The following CAST variants were observed in gnomAD, a reference collection of about 807,000 sequenced individuals.
The protein encoded by CAST is MIR583 host.
A neutral mutation model predicts 119.6 loss-of-function variants in CAST; 76 were observed. That is an observed-to-expected ratio of 0.64 (90% confidence interval 0.53 to 0.77). The LOEUF (loss-of-function observed/expected upper bound fraction) is 0.77. Among genes scored for constraint, CAST ranks in the 30% least tolerant of loss-of-function variants. The pLI is 0.00. For missense variants in CAST, 953 were observed against 946.5 expected, an observed-to-expected ratio of 1.01 and a Z score of -0.09; for synonymous variants, 319 against 331.6, an observed-to-expected ratio of 0.96 and a Z score of 0.41.
chr5:96,575,577 A>C (rs1014931343), intron 1 of CAST, among the ~76,000 whole-genome samples: 1 of 151,848 alleles, frequency 6.6e-6, no homozygotes, highest in African/African-American at 2.4e-5. Flanking sequence ...ATTCTCCTCT[A>C]TACTAACTGG....
the CAST span, among the ~76,000 whole-genome samples, chr5:96,460,558 C>A: frequency 2.2e-5 from 3 of 135,238 alleles, no homozygotes; most frequent in Admixed American, 7.4e-5. Flanking sequence ...TAAATAAATT[C>A]TAAGTACAAA....
Position 96,765,213 on chromosome 5 carries a change from CT to C in CAST, c.1933-4del. 2 of 1,542,482 alleles carry C rather than the reference CT, an allele frequency of 1.3e-6. No homozygotes were observed. Among genetic ancestry groups the C allele is most frequent in the Non-Finnish European group, 1.8e-6 (2 of 1,121,932 alleles). Reference sequence around the variant, plus strand: ...TGAGTGACTAATTCAGCATTATTTACTTTTCAGCAGAGTGACAAAGACCTCG... The same window carrying C: ...TGAGTGACTAATTCAGCATTATTTACTTTCAGCAGAGTGACAAAGACCTCG... On this transcript the variant is annotated splice_polypyrimidine_tract_variant and splice_region_variant and intron_variant, in intron 25 of 31. Transcript: ENST00000675179.
chr5:96,310,853 T>C, the CAST span, among the ~76,000 whole-genome samples: 1 of 150,564 alleles, frequency 6.6e-6, no homozygotes, highest in Non-Finnish European at 1.5e-5. Context: ...GTAAATTATG[T>C]CTTCTCAAAA....
chr5:96,535,023 T>C (rs77095835), intron 1 of CAST, among the ~76,000 whole-genome samples: 252 of 152,302 alleles, frequency 1.7e-3, no homozygotes, highest in African/African-American at 5.6e-3. Flanking sequence ...AAAGCCACAA[T>C]AATGTAAACA....
the CAST span, among the ~76,000 whole-genome samples, chr5:96,443,018 T>A: frequency 1.3e-5 from 2 of 152,206 alleles, no homozygotes; most frequent in Non-Finnish European, 2.9e-5. Context: ...TATTTTCCAC[T>A]GTTAGGGTAG....
chr5:96,528,060 T>A (rs79876438), upstream of CAST, among the ~76,000 whole-genome samples: 67 of 152,364 alleles, frequency 4.4e-4, no homozygotes, highest in African/African-American at 1.5e-3. Context: ...AGTTTTTCAC[T>A]TCATTGTCAC....
chr5:96,363,923 A>G, the CAST span, among the ~76,000 whole-genome samples: 9 of 152,248 alleles, frequency 5.9e-5, no homozygotes, highest in Admixed American at 2.6e-4. Flanking sequence ...TTTTCAAAGC[A>G]AATGCTTCCA....
At chr5:96,457,447 G>A in the CAST span, among the ~76,000 whole-genome samples, 22 of 152,122 alleles carry the variant, frequency 1.4e-4, no homozygotes, top group East Asian at 7.7e-4. Flanking sequence ...CATGTCGCTC[G>A]GAATACAGCT....
At chr5:96,180,340 G>A in the CAST span, among the ~76,000 whole-genome samples, 1 of 152,196 alleles carries the variant, frequency 6.6e-6, no homozygotes, top group Non-Finnish European at 1.5e-5. Context: ...TACACCAGGG[G>A]AGGTGTGATC....
At chr5:96,735,025 A>G (rs908308736) in intron 9 of CAST, among the ~76,000 whole-genome samples, 3 of 152,094 alleles carry the variant, frequency 2.0e-5, no homozygotes, top group African/African-American at 7.2e-5. Context: ...ACATGAGTGA[A>G]TATCTGCATG....
chr5:96,640,668 A>G (rs1747938915), intron 1 of CAST, among the ~76,000 whole-genome samples: 1 of 152,216 alleles, frequency 6.6e-6, no homozygotes, highest in African/African-American at 2.4e-5. Context: ...GATGCCTCAG[A>G]CAACCCTGCG....
At chr5:96,328,376 TCTCTCC>T in the CAST span, among the ~76,000 whole-genome samples, 11,620 of 22,018 alleles carry the variant, frequency 0.53, 2,039 homozygotes, top group South Asian at 0.62. Flanking sequence ...TCTTTCCTTC[TCTCTCC>T]CTCTCTCTCT....
At chr5:96,518,518 T>G in the CAST span, among the ~76,000 whole-genome samples, 10 of 152,206 alleles carry the variant, frequency 6.6e-5, no homozygotes, top group Non-Finnish European at 1.5e-5. Context: ...GGGACCCATT[T>G]ACAATAACAC....
At chr5:96,367,005 T>G in the CAST span, among the ~76,000 whole-genome samples, 2 of 152,208 alleles carry the variant, frequency 1.3e-5, no homozygotes, top group Non-Finnish European at 2.9e-5. Flanking sequence ...GATGGGGTTT[T>G]GGTATGGATG....
At chr5:96,370,428 T>TC in the CAST span, among the ~76,000 whole-genome samples, 1 of 152,050 alleles carries the variant, frequency 6.6e-6, no homozygotes, top group East Asian at 1.9e-4. Flanking sequence ...ACTTTAAGCG[T>TC]CCCAAACTGA....
the CAST span, among the ~76,000 whole-genome samples, chr5:96,382,000 A>T: frequency 4.6e-5 from 7 of 152,252 alleles, no homozygotes; most frequent in Non-Finnish European, 7.3e-5. Context: ...ACAGCCTGAC[A>T]TAGTTAAGTG....
chr5:96,550,001 GACA>G (rs1377066656), intron 1 of CAST, among the ~76,000 whole-genome samples: 4 of 152,226 alleles, frequency 2.6e-5, no homozygotes, highest in Non-Finnish European at 2.9e-5. Context: ...AAAGGCAGCA[GACA>G]ACTTCTCCAG....
At chr5:96,584,239 T>A (rs1746815223) in intron 1 of CAST, among the ~76,000 whole-genome samples, 1 of 152,202 alleles carries the variant, frequency 6.6e-6, no homozygotes, top group South Asian at 2.1e-4. Flanking sequence ...CTGTTCCCAA[T>A]AGGGCTGGTG....
chr5:96,539,191 G>A (rs901914415), intron 1 of CAST, among the ~76,000 whole-genome samples: 9 of 152,120 alleles, frequency 5.9e-5, no homozygotes, highest in African/African-American at 2.2e-4. Flanking sequence ...CAGGGATATA[G>A]TGAGTTGTTG....
Sources: gnomAD v4.1 joint callset for allele counts (sites outside exome capture counted in the v4.1 genomes callset) on GRCh38, gnomAD v4.1.1 for gene constraint, MANE v1.5 for transcripts, NCBI Gene and HGNC (gene_info 2026-07-23, HGNC 2026-07-21) for gene names.